The following PCCA variants were observed in gnomAD, a reference collection of about 807,000 sequenced individuals.
PCCA encodes propionyl-CoA carboxylase alpha chain, mitochondrial.
PCCA carries 74 observed loss-of-function variants against 101.3 expected under a neutral mutation model. The observed-to-expected ratio is 0.73, with a 90% confidence interval of 0.61 to 0.89. The LOEUF (loss-of-function observed/expected upper bound fraction) is 0.89. Among genes scored for constraint, PCCA ranks in the 40% least tolerant of loss-of-function variants. PCCA has a pLI of 0.00. For synonymous variants in PCCA, 294 were observed against 313.6 expected (o/e 0.94, Z 0.66); for missense variants, 891 against 907.0 (o/e 0.98, Z 0.23).
intron 9 of PCCA, among the ~76,000 whole-genome samples, chr13:100,259,486 C>A (rs2062321769): frequency 6.6e-6 from 1 of 151,810 alleles, no homozygotes; most frequent in Non-Finnish European, 1.5e-5. Flanking sequence ...AGCTGCACGC[C>A]ACCACACCCA....
intron 19 of PCCA, among the ~76,000 whole-genome samples, chr13:100,398,552 G>T (rs1327919656): frequency 6.6e-6 from 1 of 152,126 alleles, no homozygotes; most frequent in Non-Finnish European, 1.5e-5. Context: ...CCGCTATTTG[G>T]CACTGGGTGG....
rs1365865545 is a variant in PCCA at position 100,452,649 on chromosome 13, A to ATT, written c.1899+3346_1899+3347dup. ...TTATTCCCCCTCGCCCACTTTATTT[A>ATT]TTTATTTTTTTCATTAGCAGTTACC... On this transcript the variant is annotated intron_variant, in intron 21 of 23. Coordinates refer to ENST00000376285, the MANE Select transcript of PCCA (RefSeq NM_000282.4). Among the ~76,000 whole-genome samples the ATT allele has an allele frequency of 6.6e-5, 9 of 135,900 alleles. No individual in the cohort carries two copies. In the South Asian group the frequency reaches 8.9e-4, roughly 13 times the overall value. 89.2% of individuals were successfully genotyped at this position (135,900 alleles called of 152,430 possible).
intron 6 of PCCA, among the ~76,000 whole-genome samples, 173 bp from the exon 7 acceptor site, chr13:100,209,159 C>A (rs1270115312): frequency 6.6e-6 from 1 of 152,122 alleles, no homozygotes; most frequent in Non-Finnish European, 1.5e-5. Flanking sequence ...TGCATCTATC[C>A]ACACATGTAC....
At chr13:100,503,767 G>T (rs1052301869) in intron 21 of PCCA, among the ~76,000 whole-genome samples, 2 of 152,122 alleles carry the variant, frequency 1.3e-5, no homozygotes, top group African/African-American at 4.8e-5. Context: ...AATTAGCCGG[G>T]CATGGTGGCA....
intron 12 of PCCA, among the ~76,000 whole-genome samples, chr13:100,300,216 G>A (rs562557147): frequency 2.6e-5 from 4 of 152,038 alleles, no homozygotes. Flanking sequence ...ATTTACGAAG[G>A]GTTGATGCTT....
At chr13:100,416,613 A>G (rs1015713072) in intron 19 of PCCA, among the ~76,000 whole-genome samples, 2 of 150,370 alleles carry the variant, frequency 1.3e-5, no homozygotes, top group Non-Finnish European at 3.0e-5. Flanking sequence ...GCTCACTGCA[A>G]CCTCCACCTG....
At chr13:100,302,711 G>A (rs1472065418) in intron 13 of PCCA, among the ~76,000 whole-genome samples, 1 of 152,106 alleles carries the variant, frequency 6.6e-6, no homozygotes, top group African/African-American at 2.4e-5. Context: ...TATGAACAAG[G>A]TCAGGCTAAA....
intron 18 of PCCA, among the ~76,000 whole-genome samples, chr13:100,349,831 G>A (rs2073040153): frequency 6.6e-6 from 1 of 152,168 alleles, no homozygotes; most frequent in Non-Finnish European, 1.5e-5. Context: ...AGCCACAGTA[G>A]CATAACGGGA....
At chr13:100,469,358 C>A (rs956221370) in intron 21 of PCCA, among the ~76,000 whole-genome samples, 3 of 152,152 alleles carry the variant, frequency 2.0e-5, no homozygotes, top group African/African-American at 7.2e-5. Context: ...GTTTAAGGGA[C>A]TGGAATCCTA....
chr13:100,388,503 A>AAAAT lies in PCCA; in HGVS notation c.1746+19932_1746+19933insTAAA, dbSNP rs531547609. Reference sequence around the variant, plus strand: ...AAAAATGTAAAACTCACAAATTTAAAAAAGTTTTAAGACCAGGCGCAATGG... The same window carrying AAAAT: ...AAAAATGTAAAACTCACAAATTTAAAAAATAAAGTTTTAAGACCAGGCGCAATGG... On this transcript the variant is annotated intron_variant, in intron 19 of 23. Coordinates refer to ENST00000376285, the MANE Select transcript of PCCA (RefSeq NM_000282.4). 1.1e-3 allele frequency among the ~76,000 whole-genome samples: 165 copies of AAAAT among 152,298 alleles called. 6 individuals are homozygous for AAAAT. The South Asian group carries it at 0.031, about 29-fold the overall frequency.
rs2059980816 is a variant in PCCA at position 100,224,006 on chromosome 13, G to C, written c.601-11836G>C. On this transcript the variant is annotated intron_variant, in intron 7 of 23. Coordinates refer to ENST00000376285, the MANE Select transcript of PCCA (RefSeq NM_000282.4). ...GCTTCACCCAGTGGATCCCGCACCG[G>C]GGCTGCAGGTGGAGCTGCCTGCCAG... 2.6e-5 allele frequency among the ~76,000 whole-genome samples: 4 copies of C among 152,250 alleles called. No individual in the cohort carries two copies. In the South Asian group the frequency reaches 6.2e-4, roughly 24 times the overall value.
In PCCA at chr13:100,127,371, T is replaced by G. The variant is rs182277210; in HGVS notation, c.300+15310T>G. 8.7e-4 allele frequency among the ~76,000 whole-genome samples: 132 copies of G among 152,322 alleles called. 1 individual carries two copies. The highest frequency in any genetic ancestry group is 3.0e-3 in the African/African-American group (123 of 41,592). On this transcript the variant is annotated intron_variant, in intron 4 of 23. Transcript: ENST00000376285. ...GTTACTTTTTACTTATACTAAAATT[T>G]TAAATTAAGAAAAAAGTGAAATATT...
At chr13:100,197,263 A>T (rs557464201) in intron 6 of PCCA, among the ~76,000 whole-genome samples, 1 of 152,244 alleles carries the variant, frequency 6.6e-6, no homozygotes, top group South Asian at 2.1e-4. Context: ...GCTGGAGTGC[A>T]GTGGTGTGAA....
intron 12 of PCCA, among the ~76,000 whole-genome samples, chr13:100,300,127 CT>C (rs1484257029): frequency 6.6e-6 from 1 of 152,172 alleles, no homozygotes; most frequent in Non-Finnish European, 1.5e-5. Context: ...CTTATAGAGT[CT>C]TGGTTCTTAC....
intron 23 of PCCA, among the ~76,000 whole-genome samples, chr13:100,528,619 G>A (rs1188729459): frequency 6.6e-6 from 1 of 152,256 alleles, no homozygotes; most frequent in Non-Finnish European, 1.5e-5. Flanking sequence ...GGTCCCGGCT[G>A]GGAGAACAGA....
At chr13:100,210,557 T>C (rs534169592) in intron 7 of PCCA, among the ~76,000 whole-genome samples, 20 of 152,332 alleles carry the variant, frequency 1.3e-4, no homozygotes, top group East Asian at 1.2e-3. Flanking sequence ...TAGGTAATTG[T>C]ATATTGCAAA....
chr13:100,173,822 C>T (rs540163489), intron 6 of PCCA, among the ~76,000 whole-genome samples: 2 of 152,226 alleles, frequency 1.3e-5, no homozygotes, highest in Admixed American at 1.3e-4. Context: ...CTGTGTTGTT[C>T]TTGTGATAGT....
At chr13:100,314,170 A>C (rs539613346) in intron 16 of PCCA, among the ~76,000 whole-genome samples, 1 of 152,254 alleles carries the variant, frequency 6.6e-6, no homozygotes, top group East Asian at 1.9e-4. Flanking sequence ...AATTTGCACT[A>C]TCACTCACAG....
chr13:100,136,574 AATAGTTATT>A (rs1180865101), intron 4 of PCCA, among the ~76,000 whole-genome samples: 6 of 152,146 alleles, frequency 3.9e-5, no homozygotes, highest in Non-Finnish European at 8.8e-5. Flanking sequence ...CAAGTTCTTT[AATAGTTATT>A]GGAGTATTCA....
Sources: gnomAD v4.1 joint callset for allele counts (sites outside exome capture counted in the v4.1 genomes callset) on GRCh38, gnomAD v4.1.1 for gene constraint, MANE v1.5 for transcripts, NCBI Gene and HGNC (gene_info 2026-07-23, HGNC 2026-07-21) for gene names.